Variants in STAT4 observed in about 807,000 individuals in gnomAD.
The protein encoded by STAT4 is signal transducer and activator of transcription 4.
Under a neutral mutation model 110.5 loss-of-function variants are expected in STAT4, and 42 were observed. The observed-to-expected ratio is 0.38, with a 90% CI of 0.30 to 0.49. STAT4 has a LOEUF of 0.49. Among genes scored for constraint, STAT4 ranks in the 20% least tolerant of loss-of-function variants. STAT4 has a pLI of 0.95. For missense variants in STAT4, 632 were observed against 887.9 expected (o/e 0.71, Z 3.66); for synonymous variants, 284 against 302.2 (o/e 0.94, Z 0.63).
intron 3 of STAT4, among the ~76,000 whole-genome samples, chr2:191,108,441 T>G (rs1698340320): frequency 6.6e-6 from 1 of 152,216 alleles, no homozygotes. Context: ...GAAAACAGAT[T>G]CTTTCACTTG....
At chr2:191,148,544 C>T (rs1326097189) in intron 1 of STAT4, among the ~76,000 whole-genome samples, 1 of 152,192 alleles carries the variant, frequency 6.6e-6, no homozygotes, top group Non-Finnish European at 1.5e-5. Flanking sequence ...CTCTTGTCCC[C>T]TCAACATTTA....
At chr2:191,057,608 T>C (rs1036587812) in intron 13 of STAT4, among the ~76,000 whole-genome samples, 4 of 148,310 alleles carry the variant, frequency 2.7e-5, no homozygotes, top group African/African-American at 7.5e-5. Flanking sequence ...TTTTCTTTTT[T>C]TTTTTTTTGA....
At chr2:191,049,739 T>G (rs1446207553) in intron 14 of STAT4, among the ~76,000 whole-genome samples, 1 of 152,204 alleles carries the variant, frequency 6.6e-6, no homozygotes, top group African/African-American at 2.4e-5. Context: ...AGTGGTCTAA[T>G]CACATGAGAG....
At chr2:191,065,068 C>A in intron 7 of STAT4, 110 bp from the exon 8 acceptor site, 1 of 1,224,782 alleles carries the variant, frequency 8.2e-7, no homozygotes. Context: ...AAAATTTTGA[C>A]CAAATATTTT....
intron 8 of STAT4, among the ~76,000 whole-genome samples, chr2:191,063,997 A>T (rs1046248381): frequency 1.3e-5 from 2 of 152,190 alleles, no homozygotes; most frequent in Non-Finnish European, 2.9e-5. Flanking sequence ...TGTTCCTTCA[A>T]TCAAATAGTT....
intron 5 of STAT4, 92 bp downstream of exon 5, chr2:191,073,006 G>C (rs917773607): frequency 2.1e-6 from 2 of 949,492 alleles, no homozygotes; most frequent in Non-Finnish European, 3.2e-6. Flanking sequence ...TATGATTTCT[G>C]TATACATTAA....
In STAT4 at chr2:191,142,169, C is replaced by G. The variant is rs1419084135; in HGVS notation, c.273+4444G>C. 1.3e-5 allele frequency among the ~76,000 whole-genome samples: 2 copies of G among 151,800 alleles called. No individual in the cohort carries two copies. The highest frequency in any genetic ancestry group is 4.8e-5 in the African/African-American group (2 of 41,300). ...ACAATAACAAAGATTTGGAATCAAC[C>G]TAAGTGTCCATTGATGGAAGAATGG... On this transcript the variant is annotated intron_variant, in intron 3 of 23. Coordinates refer to ENST00000392320, the MANE Select transcript of STAT4 (RefSeq NM_003151.4). The surrounding 1 kb of genome is among the most constrained non-coding windows in gnomAD (Gnocchi z 4.1).
chr2:191,034,535 C>T lies in STAT4; in HGVS notation c.1620+13G>A, dbSNP rs369929926. Reference sequence around the variant, plus strand: ...AAAATGTATCTAAATGATGTTTCCCCGACCGTTTGTACCTTGCAGAACTTG... The same window carrying T: ...AAAATGTATCTAAATGATGTTTCCCTGACCGTTTGTACCTTGCAGAACTTG... On this transcript the variant is annotated intron_variant, in intron 18 of 23. Transcript: ENST00000392320. 74 of 1,606,544 alleles carry T rather than the reference C, an allele frequency of 4.6e-5. No homozygotes were observed. The highest frequency in any genetic ancestry group is 1.7e-4 in the Middle Eastern group (1 of 6,048).
At chr2:191,075,297 T>A (rs1273425040) in intron 4 of STAT4, among the ~76,000 whole-genome samples, 1 of 152,206 alleles carries the variant, frequency 6.6e-6, no homozygotes, top group African/African-American at 2.4e-5. Context: ...CTGAAAAAAG[T>A]ATTCATTAAA....
At chr2:191,070,889 C>G (rs558481428) in intron 5 of STAT4, among the ~76,000 whole-genome samples, 1 of 152,250 alleles carries the variant, frequency 6.6e-6, no homozygotes, top group Admixed American at 6.5e-5. Flanking sequence ...ACAGTATCTA[C>G]TTCAAGGAGT....
At chr2:191,151,488 C>T (rs937038155), upstream of STAT4, 1 of 985,552 alleles carries the variant, frequency 1.0e-6, no homozygotes, top group South Asian at 4.7e-5. The surrounding 1 kb of genome is among the most constrained non-coding windows in gnomAD (Gnocchi z 4.7). Context: ...CCGCTCACTC[C>T]GACGAGGGTG....
Position 191,062,950 on chromosome 2 carries a change from A to G in STAT4, c.783-30T>C. The G allele has an allele frequency of 6.3e-7, 1 of 1,594,388 alleles. No homozygotes were observed. The highest frequency in any genetic ancestry group is 8.5e-7 in the Non-Finnish European group (1 of 1,170,230). ...TGAACAGAAAATGAAAATCAAAGAT[A>G]GTTTTTCCACTTAATAATAAAAAAG... On this transcript the variant is annotated intron_variant, in intron 8 of 23. Coordinates refer to ENST00000392320, the MANE Select transcript of STAT4 (RefSeq NM_003151.4). The surrounding 1 kb of genome is among the most constrained non-coding windows in gnomAD (Gnocchi z 4.9).
In STAT4 at chr2:191,117,319, C is replaced by T. The variant is rs1290807810; in HGVS notation, c.273+29294G>A. On this transcript the variant is annotated intron_variant, in intron 3 of 23. Transcript: ENST00000392320. The surrounding 1 kb of genome is among the most constrained non-coding windows in gnomAD (Gnocchi z 5.2). ...AATACAAGTTTCTAATAGCTTAAGG[C>T]TGTTCTGACTTCAAATTTCAAAGAC... Among the ~76,000 whole-genome samples, 1 of 152,194 alleles carries T rather than the reference C, an allele frequency of 6.6e-6. No individual in the cohort carries two copies. The highest frequency in any genetic ancestry group is 1.5e-5 in the Non-Finnish European group (1 of 68,032).
At chr2:191,096,095 A>G (rs552003870) in intron 3 of STAT4, among the ~76,000 whole-genome samples, 79 of 152,322 alleles carry the variant, frequency 5.2e-4, no homozygotes, top group African/African-American at 1.8e-3. Context: ...TGAATAGACC[A>G]ATAACAGGCT....
At chr2:191,115,990 T>C (rs985598699) in intron 3 of STAT4, among the ~76,000 whole-genome samples, 2 of 152,200 alleles carry the variant, frequency 1.3e-5, no homozygotes, top group Non-Finnish European at 2.9e-5. Flanking sequence ...GCTTACTTCC[T>C]GCAGGAGTAA....
rs116671146 is a variant in STAT4, at chr2:191,047,168, G to A, written c.1252-6020C>T. ...GACATGGAGGTGCTAGGAGGGTGGCGCACCTGGACAGGGCATGGGAGCTCC... is the reference window on the plus strand; with the variant it reads ...GACATGGAGGTGCTAGGAGGGTGGCACACCTGGACAGGGCATGGGAGCTCC... On this transcript the variant is annotated intron_variant, in intron 14 of 23. Coordinates refer to ENST00000392320, the MANE Select transcript of STAT4 (RefSeq NM_003151.4). 1.0e-3 allele frequency among the ~76,000 whole-genome samples: 154 copies of A among 151,964 alleles called. 3 individuals carry two copies. The highest frequency in any genetic ancestry group is 3.4e-3 in the African/African-American group (141 of 41,440).
At chr2:191,092,482 GA>G (rs1209950984) in intron 3 of STAT4, among the ~76,000 whole-genome samples, 2 of 151,184 alleles carry the variant, frequency 1.3e-5, no homozygotes, top group East Asian at 3.9e-4. Context: ...TTAATGGTAG[GA>G]AATGGTCCAT....
At chr2:191,034,516 T>TAAAAC (rs1559037090) in intron 18 of STAT4, 32 bp downstream of exon 18, 1 of 1,562,910 alleles carries the variant, frequency 6.4e-7, no homozygotes, top group Non-Finnish European at 8.8e-7. Context: ...TAAAAAAATG[T>TAAAAC]ATCTAAATGA....
At position 191,138,898 on chromosome 2, in the gene STAT4, A is replaced by T. The variant is rs1699248049; in HGVS notation, c.273+7715T>A. Among the ~76,000 whole-genome samples, 1 of 152,202 alleles carries T rather than the reference A, an allele frequency of 6.6e-6. No homozygotes were observed. The highest frequency in any genetic ancestry group is 1.5e-5 in the Non-Finnish European group (1 of 68,030). ...AATCCAACAGCATATCAAAAAGATAATACATCATGATCAAATGGGTTTATA... is the reference window on the plus strand; with the variant it reads ...AATCCAACAGCATATCAAAAAGATATTACATCATGATCAAATGGGTTTATA... On this transcript the variant is annotated intron_variant, in intron 3 of 23. Transcript: ENST00000392320. This position sits in a 1 kb window ranked among gnomAD's most constrained non-coding sequence, Gnocchi z 4.3.
Sources: allele counts gnomAD v4.1 joint callset (sites outside exome capture counted in the v4.1 genomes callset), GRCh38; gene constraint gnomAD v4.1.1; non-coding constraint Gnocchi (gnomAD v3.1); transcripts MANE v1.5; gene names NCBI Gene and HGNC (gene_info 2026-07-23, HGNC 2026-07-21).